The following SLC14A2 variants were observed in gnomAD, a reference collection of about 807,000 sequenced individuals.
SLC14A2 encodes solute carrier family 14 member 2.
SLC14A2 carries 91 observed loss-of-function variants against 104.6 expected under a neutral mutation model. The ratio of observed to expected loss-of-function variants is 0.87; its 90% confidence interval spans 0.73 to 1.04. The LOEUF (loss-of-function observed/expected upper bound fraction) is 1.04. Ranked by LOEUF, SLC14A2 falls within the 50% of genes least tolerant of loss-of-function variation. The probability of loss-of-function intolerance (pLI) is 0.00; values close to 1 mark genes in which losing one functional copy is unlikely to be tolerated. For synonymous variants in SLC14A2, 476 were observed against 466.4 expected (o/e 1.02, Z -0.27); for missense variants, 1,189 against 1,156.0 (o/e 1.03, Z -0.41).
intron 2 of SLC14A2, among the ~76,000 whole-genome samples, chr18:45,533,328 T>C (rs1048212952): frequency 1.4e-4 from 21 of 152,216 alleles, no homozygotes; most frequent in Admixed American, 8.5e-4. Flanking sequence ...CATCTGGTCC[T>C]GGACTTTTTT....
intron 1 of SLC14A2, among the ~76,000 whole-genome samples, chr18:45,327,693 C>T (rs750226278): frequency 5.3e-5 from 8 of 152,130 alleles, no homozygotes; most frequent in East Asian, 1.9e-4. Context: ...GGTTCGTCTA[C>T]GTTGTAGCAT....
the SLC14A2 span, among the ~76,000 whole-genome samples, chr18:45,179,112 A>G: frequency 6.6e-6 from 1 of 152,166 alleles, no homozygotes; most frequent in Non-Finnish European, 1.5e-5. Context: ...AAAATTTCCC[A>G]GGGAGTTTGC....
intron 18 of SLC14A2, among the ~76,000 whole-genome samples, chr18:45,674,111 C>T (rs1158813928): frequency 6.6e-6 from 1 of 152,178 alleles, no homozygotes; most frequent in Non-Finnish European, 1.5e-5. Context: ...CAGCGATTCA[C>T]CTTAAGCATT....
In SLC14A2 at chr18:45,293,485, CTATTTT is replaced by C. The variant is rs539251092; in HGVS notation, c.-125+80299_-125+80304del. On this transcript the variant is annotated intron_variant, in intron 1 of 20. Coordinates refer to the SLC14A2 transcript ENST00000586448. Reference sequence around the variant, plus strand: ...AATGAGAGAGACTAAAGGCAAATGCCTATTTTTATTAGAGGTGTCAGGCAAGGTCCC... The same window carrying C: ...AATGAGAGAGACTAAAGGCAAATGCCTATTAGAGGTGTCAGGCAAGGTCCC... Among the ~76,000 whole-genome samples the C allele has an allele frequency of 3.7e-4, 56 of 151,810 alleles. 1 individual carries two copies. Among genetic ancestry groups the C allele is most frequent in the African/African-American group, 1.3e-3 (54 of 41,358 alleles).
chr18:45,573,206 A>AGGTCTGGACTG (rs1257621615), intron 2 of SLC14A2, among the ~76,000 whole-genome samples: 1 of 152,206 alleles, frequency 6.6e-6, no homozygotes, highest in Non-Finnish European at 1.5e-5. Context: ...AATGATTGAT[A>AGGTCTGGACTG]GGTCTGGACT....
intron 1 of SLC14A2, among the ~76,000 whole-genome samples, chr18:45,359,312 C>A (rs1043674813): frequency 1.3e-5 from 2 of 152,174 alleles, no homozygotes; most frequent in African/African-American, 4.8e-5. Flanking sequence ...AGATGGGAAG[C>A]AGGCCCCCCC....
At chr18:45,631,435 G>A (rs566743962) in intron 4 of SLC14A2, among the ~76,000 whole-genome samples, 1 of 152,344 alleles carries the variant, frequency 6.6e-6, no homozygotes, top group South Asian at 2.1e-4. Context: ...CGATCAGGAG[G>A]AGAATTGTAG....
intron 1 of SLC14A2, among the ~76,000 whole-genome samples, chr18:45,390,221 G>T (rs2085945559): frequency 6.6e-6 from 1 of 152,126 alleles, no homozygotes; most frequent in South Asian, 2.1e-4. Context: ...ATATGTCCAG[G>T]TGGTACCAAC....
intron 2 of SLC14A2, among the ~76,000 whole-genome samples, chr18:45,583,235 C>G (rs185350893): frequency 6.6e-6 from 1 of 152,214 alleles, no homozygotes; most frequent in Non-Finnish European, 1.5e-5. Flanking sequence ...CTCCAAGCCA[C>G]TTGGCAACCC....
chr18:45,448,223 A>G (rs2086802430), intron 1 of SLC14A2, among the ~76,000 whole-genome samples: 1 of 152,248 alleles, frequency 6.6e-6, no homozygotes. Flanking sequence ...TCAAGCTTAC[A>G]TCCCTTCCCA....
At chr18:45,293,943 G>A (rs1029943388) in intron 1 of SLC14A2, among the ~76,000 whole-genome samples, 4 of 152,194 alleles carry the variant, frequency 2.6e-5, no homozygotes, top group Admixed American at 6.5e-5. Flanking sequence ...ATAACTGAGC[G>A]AGATGCGAAA....
At chr18:45,641,541 C>T (rs1286412288) in intron 8 of SLC14A2, among the ~76,000 whole-genome samples, 198 bp downstream of exon 8, 2 of 152,196 alleles carry the variant, frequency 1.3e-5, no homozygotes, top group African/African-American at 2.4e-5. Flanking sequence ...TCACAACCAC[C>T]GAATGGTATT....
chr18:45,678,954 C>CTTTTTTTTTTTTT (rs72437878), intron 18 of SLC14A2, 21 bp from the exon 19 acceptor site: 13 of 1,436,476 alleles, frequency 9.0e-6, no homozygotes, highest in East Asian at 2.4e-5. Flanking sequence ...CTATTTCTTT[C>CTTTTTTTTTTTTT]TTTTTTTTTT....
intron 10 of SLC14A2, among the ~76,000 whole-genome samples, chr18:45,654,967 A>C (rs933189259): frequency 2.0e-5 from 3 of 152,188 alleles, no homozygotes; most frequent in African/African-American, 7.2e-5. Context: ...GATAGAGCTG[A>C]ATACCTTCTG....
intron 1 of SLC14A2, among the ~76,000 whole-genome samples, chr18:45,382,066 A>G (rs1161127105): frequency 6.6e-6 from 1 of 152,152 alleles, no homozygotes; most frequent in Non-Finnish European, 1.5e-5. Flanking sequence ...CAGGGCCTCA[A>G]TCTCCTGTAC....
At chr18:45,362,535 A>C (rs1386140816) in intron 1 of SLC14A2, among the ~76,000 whole-genome samples, 1 of 152,206 alleles carries the variant, frequency 6.6e-6, no homozygotes, top group Non-Finnish European at 1.5e-5. Context: ...ATTACAGACA[A>C]AGTGACATGC....
intron 2 of SLC14A2, among the ~76,000 whole-genome samples, chr18:45,595,810 C>T (rs1331571161): frequency 1.3e-5 from 2 of 152,192 alleles, no homozygotes; most frequent in African/African-American, 4.8e-5. Context: ...CTCACTTCCA[C>T]ACACTCCAAA....
At chr18:45,284,200 C>T (rs72904682) in intron 1 of SLC14A2, among the ~76,000 whole-genome samples, 4 of 152,284 alleles carry the variant, frequency 2.6e-5, no homozygotes, top group African/African-American at 7.2e-5. Context: ...AGCTAACACA[C>T]GGAACACTGT....
In SLC14A2 at chr18:45,454,515, C is replaced by T. The variant is rs147993457; in HGVS notation, c.-124-28718C>T. On this transcript the variant is annotated intron_variant, in intron 1 of 20. Transcript: ENST00000586448. ...CAAAAGCTCTTTAGTTTAATTAGAT[C>T]CCATTTGTCAATTTGGCTTCTGTTC... is the stretch of plus-strand genomic sequence containing the variant. Among the ~76,000 whole-genome samples, 376 of 152,258 alleles carry T rather than the reference C, an allele frequency of 2.5e-3. 3 individuals carry two copies. The highest frequency in any genetic ancestry group is 8.3e-3 in the African/African-American group (344 of 41,552).
Sources: gnomAD v4.1 joint callset for allele counts (sites outside exome capture counted in the v4.1 genomes callset) on GRCh38, gnomAD v4.1.1 for gene constraint, MANE v1.5 for transcripts, NCBI Gene and HGNC (gene_info 2026-07-23, HGNC 2026-07-21) for gene names.